The following FCER2 variants were observed in gnomAD, a reference collection of about 807,000 sequenced individuals.
FCER2 encodes the protein Fc epsilon receptor II.
In FCER2, 38 loss-of-function variants were observed where a neutral mutation model predicts 49.7. That is an observed-to-expected ratio of 0.76 (90% CI 0.59 to 1.00). The LOEUF (loss-of-function observed/expected upper bound fraction) is 1.00. Ranked by LOEUF, FCER2 falls within the 50% of genes least tolerant of loss-of-function variation. FCER2 has a pLI of 0.00. For synonymous variants in FCER2, 163 were observed against 164.6 expected, an observed-to-expected ratio of 0.99 and a Z score of 0.07; for missense variants, 425 against 419.5, an observed-to-expected ratio of 1.01 and a Z score of -0.11.
At chr19:7,692,031 TCCAACAACACATCAACTACCAACACCA>T (rs2032887618) in intron 8 of FCER2, among the ~76,000 whole-genome samples, 4 of 150,336 alleles carry the variant, frequency 2.7e-5, no homozygotes, top group African/African-American at 4.9e-5. Flanking sequence ...TACATTCACG[TCCAACAACACATCAACTACCAACACCA>T]TCACCACGAG....
In FCER2 at chr19:7,689,394, C is replaced by T. The variant is rs2032795113; in HGVS notation, c.765G>A (p.Gln255=). 6.2e-7 allele frequency: 1 copy of T among 1,601,886 alleles called. No homozygotes were observed. The highest frequency in any genetic ancestry group is 1.3e-5 in the African/African-American group (1 of 74,786). Residue 255 remains glutamine (Q), a synonymous_variant, in exon 11 of 11, where the codon CAG becomes CAA. Coordinates refer to ENST00000597921, the MANE Select transcript of FCER2 (RefSeq NM_001220500.2). ...CCCGCATCATCACGCAGTCCTCGCC[C>T]TGGCTCCGGCTGGTGGGCTCCCCTG... ...WAPGEPTSRS[Q]GEDCVMMRGS...
In FCER2 at chr19:7,689,237, G is replaced by A. The variant is rs757927966; in HGVS notation, c.922C>T (p.Pro308Ser). The change falls in exon 11 of 11, where the codon CCT becomes TCT. Residue 308 changes from proline (P) to serine (S), a missense_variant. Transcript: ENST00000597921. Reference sequence around the variant, plus strand: ...GAGGGGGTGGGCAGGCGGCCGTCAGGGTCTGGTCTTGAATCAGGTCCCATG... The same window carrying A: ...GAGGGGGTGGGCAGGCGGCCGTCAGAGTCTGGTCTTGAATCAGGTCCCATG... ...ESMGPDSRPD[P>S]DGRLPTPSAP... is the part of the protein sequence containing the mutation. The A allele has an allele frequency of 6.2e-7, 1 of 1,613,616 alleles. No homozygotes were observed. The highest frequency in any genetic ancestry group is 8.5e-7 in the Non-Finnish European group (1 of 1,179,730).
intron 10 of FCER2, 45 bp downstream of exon 10, chr19:7,690,114 G>T (rs1371604069): frequency 1.6e-6 from 2 of 1,225,082 alleles, no homozygotes; most frequent in African/African-American, 1.5e-5. Context: ...CTCCCTCCAC[G>T]GTATTTCCAT....
chr19:7,699,687 G>C, intron 2 of FCER2, 52 bp downstream of exon 2: 1 of 1,567,880 alleles, frequency 6.4e-7, no homozygotes, highest in Non-Finnish European at 8.8e-7. Flanking sequence ...GTGAAAGGCA[G>C]TAGCTAAGGG....
chr19:7,691,049 A>G (rs1281333147), intron 8 of FCER2, among the ~76,000 whole-genome samples: 1 of 152,042 alleles, frequency 6.6e-6, no homozygotes, highest in Non-Finnish European at 1.5e-5. Context: ...TTCAACCACC[A>G]TTATCACCAC....
At chr19:7,701,379 C>A (rs1393077896) in intron 1 of FCER2, among the ~76,000 whole-genome samples, 2 of 152,122 alleles carry the variant, frequency 1.3e-5, no homozygotes, top group Non-Finnish European at 2.9e-5. Flanking sequence ...AGTCCGAGTC[C>A]TGGCTTCTTC....
rs1245113308 is a variant in FCER2 at position 7,699,825 on chromosome 19, C to T, written c.-65G>A. On this transcript the variant is annotated 5_prime_UTR_variant, in exon 2 of 11. Transcript: ENST00000597921. ...CTCCCTGACAACGCAGTCCACTCAG[C>T]GGGCACAATCACAGCTCTGGCTGAT... The T allele has an allele frequency of 1.8e-5, 26 of 1,482,496 alleles. No individual in the cohort carries two copies. The highest frequency in any genetic ancestry group is 9.0e-5 in the East Asian group (4 of 44,276). The allele number at this position is 1,482,496 out of a possible 1,614,324, so 91.8% of individuals were successfully genotyped here.
rs1169674030 is a variant in FCER2 at position 7,698,425 on chromosome 19, G to T, written c.137-16C>A. ...GTGTCCCAGTCTGGGGAGGGGGAGA[G>T]AAGAGGAGTGGAGAGGGGGGATTGT... On this transcript the variant is annotated splice_polypyrimidine_tract_variant and intron_variant, in intron 3 of 10. Coordinates refer to ENST00000597921, the MANE Select transcript of FCER2 (RefSeq NM_001220500.2). 1.2e-6 allele frequency: 2 copies of T among 1,601,552 alleles called. No individual in the cohort carries two copies. The highest frequency in any genetic ancestry group is 3.4e-5 in the Admixed American group (2 of 59,092).
intron 8 of FCER2, among the ~76,000 whole-genome samples, chr19:7,693,930 T>C (rs2032948638): frequency 6.6e-6 from 1 of 151,568 alleles, no homozygotes; most frequent in South Asian, 2.1e-4. Context: ...ATTACAGGCA[T>C]GAGCCACCAT....
At chr19:7,690,987 G>T (rs1290401274) in intron 8 of FCER2, among the ~76,000 whole-genome samples, 1 of 151,758 alleles carries the variant, frequency 6.6e-6, no homozygotes, top group Non-Finnish European at 1.5e-5. Context: ...ACGGCTAGAG[G>T]TCCCTCAACC....
Position 7,699,307 on chromosome 19 carries a change from A to T in FCER2, c.22+432T>A, listed in dbSNP as rs2033100622. 5 of 954,544 alleles carry T rather than the reference A, an allele frequency of 5.2e-6. No homozygotes were observed. In the South Asian group the frequency reaches 6.8e-5, roughly 13 times the overall value. 59.1% of individuals were successfully genotyped at this position (954,544 alleles called of 1,614,324 possible). A position where few individuals can be genotyped will look rare whatever the true frequency, so the allele number is the denominator to read the frequency against. On this transcript the variant is annotated intron_variant, in intron 2 of 10. Coordinates refer to ENST00000597921, the MANE Select transcript of FCER2 (RefSeq NM_001220500.2). ...TGTCATCCAACATCCAGACCTCCAA[A>T]CCTCTCCCAGACCCCACCCAAAGGT...
rs751787016 is a variant in FCER2, at chr19:7,690,506, C to T, written c.521G>A (p.Cys174Tyr). The T allele has an allele frequency of 3.1e-6, 5 of 1,614,020 alleles. No individual in the cohort carries two copies. Among genetic ancestry groups the T allele is most frequent in the Non-Finnish European group, 4.2e-6 (5 of 1,180,002 alleles). Residue 174 changes from cysteine (C) to tyrosine (Y), a missense_variant, in exon 9 of 11, where the codon TGC (cysteine) becomes TAC (tyrosine). Cys to Tyr is a radical substitution (Grantham distance 194, BLOSUM62 -2). Transcript: ENST00000597921. ...PEKWINFQRK[C>Y]YYFGKGTKQW... Reference sequence around the variant, plus strand: ...CTTGGTGCCCTTGCCGAAGTAGTAGCACTTCCGTTGGAAATTGATCCACTT... The same window carrying T: ...CTTGGTGCCCTTGCCGAAGTAGTAGTACTTCCGTTGGAAATTGATCCACTT...
chr19:7,700,179 T>C (rs1306288925), intron 1 of FCER2: 2 of 173,252 alleles, frequency 1.2e-5, no homozygotes, highest in African/African-American at 4.8e-5. Context: ...GTTGGTGATC[T>C]GTGCTAAAAA....
rs1299005840 is a variant in FCER2, at chr19:7,692,476, C to CA, written c.470-1920dup. Among the ~76,000 whole-genome samples the CA allele has an allele frequency of 1.3e-5, 2 of 152,032 alleles. 1 individual carries two copies. The highest frequency in any genetic ancestry group is 1.3e-4 in the Admixed American group (2 of 15,262). ...AACACATTCACGTCCATCAACACAT[C>CA]AACCACCAACACCATCAGCACGAGC... is the stretch of plus-strand genomic sequence containing the variant. On this transcript the variant is annotated intron_variant, in intron 8 of 10. Transcript: ENST00000597921.
intron 3 of FCER2, 146 bp from the exon 4 acceptor site, chr19:7,698,555 G>C: frequency 1.1e-6 from 1 of 873,346 alleles, no homozygotes; most frequent in Non-Finnish European, 1.8e-6. Context: ...GCTGGGTGTG[G>C]GGTGAGGGGC....
chr19:7,694,923 C>T (rs554812376), intron 8 of FCER2, among the ~76,000 whole-genome samples: 1 of 152,276 alleles, frequency 6.6e-6, no homozygotes, highest in South Asian at 2.1e-4. Flanking sequence ...CAGCCTCAAA[C>T]TCCTGGGCTC....
rs375723520 is a variant in FCER2 at position 7,698,860 on chromosome 19, G to C, written c.23-6C>G. ...CCTGGGAAGCTCCTCGATCTCTGCC[G>C]GGGGTGGAGGGACTGACTATGGGTG... On this transcript the variant is annotated splice_region_variant and splice_polypyrimidine_tract_variant and intron_variant, in intron 2 of 10. Transcript: ENST00000597921. 84 of 1,578,070 alleles carry C rather than the reference G, an allele frequency of 5.3e-5. No individual in the cohort carries two copies. Among genetic ancestry groups the C allele is most frequent in the Non-Finnish European group, 2.6e-6 (3 of 1,164,700 alleles).
chr19:7,697,635 G>A (rs1254535401), intron 4 of FCER2, 46 bp from the exon 5 acceptor site: 1 of 1,556,442 alleles, frequency 6.4e-7, no homozygotes, highest in Non-Finnish European at 8.9e-7. Flanking sequence ...CTCAAAGGCA[G>A]GTCCTTGGAC....
chr19:7,699,370 C>T (rs902070636), intron 2 of FCER2: 1 of 1,342,224 alleles, frequency 7.5e-7, no homozygotes, highest in African/African-American at 1.5e-5. Context: ...TGGCCCTCTG[C>T]ACTCACCCTG....
Sources: allele counts gnomAD v4.1 joint callset (sites outside exome capture counted in the v4.1 genomes callset), GRCh38; gene constraint gnomAD v4.1.1; transcripts MANE v1.5; gene names NCBI Gene and HGNC (gene_info 2026-07-23, HGNC 2026-07-21).